The following MN1 variants were observed in gnomAD, a reference collection of about 807,000 sequenced individuals.
MN1 encodes the protein transcriptional activator MN1.
A neutral mutation model predicts 86.9 loss-of-function variants in MN1; 19 were observed. The ratio of observed to expected loss-of-function variants is 0.22; its 90% confidence interval spans 0.15 to 0.32. MN1 has a LOEUF of 0.32. MN1 is among the 10% of genes least tolerant of loss of function. MN1 has a pLI of 1.00. For missense variants in MN1, 1,841 were observed against 1,862.0 expected (o/e 0.99, Z 0.21); for synonymous variants, 928 against 849.6 (o/e 1.09, Z -1.60).
intron 1 of MN1, among the ~76,000 whole-genome samples, chr22:27,756,493 C>A (rs1932803036): frequency 6.6e-6 from 1 of 152,138 alleles, no homozygotes; most frequent in Non-Finnish European, 1.5e-5. Context: ...CCAGCCACCT[C>A]CTGCCCCGCT....
intron 1 of MN1, among the ~76,000 whole-genome samples, chr22:27,791,309 C>A (rs1400679866): frequency 6.6e-6 from 1 of 152,114 alleles, no homozygotes; most frequent in Non-Finnish European, 1.5e-5. Context: ...TGTCCCTCTT[C>A]TCAATCACGC....
intron 1 of MN1, among the ~76,000 whole-genome samples, chr22:27,752,169 G>C (rs1419918341): frequency 1.3e-5 from 2 of 152,108 alleles, no homozygotes; most frequent in African/African-American, 4.8e-5. Context: ...TCCGCAAAGG[G>C]ACCCGAGGCC....
chr22:27,798,992 C>T lies in MN1; in HGVS notation c.1552G>A (p.Asp518Asn). The change falls in exon 1 of 2, where the codon GAC (aspartate) becomes AAC (asparagine). Residue 518 changes from aspartate to asparagine, a missense_variant. By Grantham distance (23) the Asp-to-Asn change is conservative. Transcript: ENST00000302326. The part of the protein sequence containing the change: ...SGPPLQHPAP[D>N]HQSLQQQQQQ... ...TGCTGCTGTTGCAGGGACTGGTGGT[C>T]CGGGGCCGGATGCTGCAGGGGCGGC... is the stretch of plus-strand genomic sequence containing the variant. 6.2e-7 allele frequency: 1 copy of T among 1,605,180 alleles called. No homozygotes were observed. The highest frequency in any genetic ancestry group is 1.3e-5 in the African/African-American group (1 of 74,740).
At chr22:27,795,757 C>T (rs188808015) in intron 1 of MN1, among the ~76,000 whole-genome samples, 1 of 152,196 alleles carries the variant, frequency 6.6e-6, no homozygotes, top group Admixed American at 6.5e-5. Context: ...TATATACAGA[C>T]ATTTTAAACC....
At chr22:27,778,574 T>C (rs1404812446) in intron 1 of MN1, among the ~76,000 whole-genome samples, 3 of 152,220 alleles carry the variant, frequency 2.0e-5, no homozygotes, top group Non-Finnish European at 4.4e-5. Context: ...GGCGGAGTGC[T>C]TTTCATTATC....
chr22:27,758,502 C>A (rs1010963221), intron 1 of MN1, among the ~76,000 whole-genome samples: 25 of 152,220 alleles, frequency 1.6e-4, no homozygotes, highest in Non-Finnish European at 4.4e-5. Flanking sequence ...GATGTGCTCA[C>A]ACATCTTGCT....
chr22:27,794,858 T>G, intron 1 of MN1, among the ~76,000 whole-genome samples: 1 of 148,356 alleles, frequency 6.7e-6, no homozygotes, highest in South Asian at 2.2e-4. Context: ...TTTTGGCCAA[T>G]ATGTTCTTAA....
Position 27,757,440 on chromosome 22 carries a change from C to A in MN1, c.3782-6344G>T, listed in dbSNP as rs1443079699. Reference sequence around the variant, plus strand: ...CATCCCTGTGGGTGCTAGAAGCTGCCGAGGCTGGGGGTCAGGGTGCAATCC... The same window carrying A: ...CATCCCTGTGGGTGCTAGAAGCTGCAGAGGCTGGGGGTCAGGGTGCAATCC... On this transcript the variant is annotated intron_variant, in intron 1 of 1. Coordinates refer to ENST00000302326, the MANE Select transcript of MN1 (RefSeq NM_002430.3). Among the ~76,000 whole-genome samples the A allele has an allele frequency of 2.0e-5, 3 of 152,146 alleles. 1 individual carries two copies. The highest frequency in any genetic ancestry group is 7.2e-5 in the African/African-American group (3 of 41,492).
At chr22:27,795,367 C>T (rs1933276738) in intron 1 of MN1, among the ~76,000 whole-genome samples, 2 of 152,130 alleles carry the variant, frequency 1.3e-5, no homozygotes, top group Admixed American at 1.3e-4. Flanking sequence ...CTCGCTTCCT[C>T]TCCTCTTGCC....
intron 1 of MN1, among the ~76,000 whole-genome samples, chr22:27,781,975 A>G (rs539684666): frequency 3.3e-5 from 5 of 152,110 alleles, no homozygotes; most frequent in African/African-American, 1.2e-4. Flanking sequence ...TGGCTCCCAG[A>G]CTGTTTATGG....
chr22:27,758,884 G>A (rs1568971140), intron 1 of MN1, among the ~76,000 whole-genome samples: 1 of 152,118 alleles, frequency 6.6e-6, no homozygotes, highest in Non-Finnish European at 1.5e-5. Flanking sequence ...GGAGTGCAGT[G>A]GCATGATCAC....
intron 1 of MN1, among the ~76,000 whole-genome samples, chr22:27,792,040 A>C (rs1933217795): frequency 6.6e-6 from 1 of 152,198 alleles, no homozygotes; most frequent in Non-Finnish European, 1.5e-5. Flanking sequence ...ACTTCTTGGC[A>C]AGAGTAGCCG....
At position 27,797,878 on chromosome 22, in the gene MN1, C is replaced by T; in HGVS notation, c.2666G>A (p.Gly889Glu). The change falls in exon 1 of 2, where the codon GGA becomes GAA. Residue 889 changes from glycine (G) to glutamate (E), a missense_variant. Gly to Glu is a moderately conservative substitution (Grantham distance 98). Transcript: ENST00000302326. The stretch of plus-strand genomic sequence containing the variant: ...ACTGGTCCCGGACGGGCCTCCGGGT[C>T]CTGGGGCCCCAGGAGCAGTCCCTCC... Reference protein sequence around the residue: ...FPGGTAPGAPGPGGPSGTSSS... With the variant: ...FPGGTAPGAPEPGGPSGTSSS... 6.3e-7 allele frequency: 1 copy of T among 1,592,530 alleles called. No individual in the cohort carries two copies. Among genetic ancestry groups the T allele is most frequent in the Non-Finnish European group, 8.5e-7 (1 of 1,170,286 alleles).
chr22:27,752,898 G>A (rs1340363241), intron 1 of MN1, among the ~76,000 whole-genome samples: 1 of 152,174 alleles, frequency 6.6e-6, no homozygotes, highest in Non-Finnish European at 1.5e-5. Flanking sequence ...TGCAAGCCCA[G>A]CCAAGGGCCC....
chr22:27,766,019 C>A (rs1328000051), intron 1 of MN1, among the ~76,000 whole-genome samples: 1 of 152,152 alleles, frequency 6.6e-6, no homozygotes, highest in Admixed American at 6.5e-5. Flanking sequence ...AAGAAGCGCA[C>A]CTGCCGCAAA....
At chr22:27,777,411 T>C (rs910637214) in intron 1 of MN1, among the ~76,000 whole-genome samples, 3 of 151,664 alleles carry the variant, frequency 2.0e-5, no homozygotes, top group African/African-American at 7.3e-5. Flanking sequence ...CACACACCTG[T>C]AGTCCTAGAT....
intron 1 of MN1, among the ~76,000 whole-genome samples, chr22:27,787,454 C>T (rs1933149709): frequency 6.6e-6 from 1 of 152,240 alleles, no homozygotes; most frequent in Non-Finnish European, 1.5e-5. Context: ...TTCTCCAGCT[C>T]CTTTCCACAC....
At chr22:27,784,208 C>T (rs1328010588) in intron 1 of MN1, among the ~76,000 whole-genome samples, 1 of 152,222 alleles carries the variant, frequency 6.6e-6, no homozygotes, top group African/African-American at 2.4e-5. Context: ...TAGGGGATCA[C>T]AGGCACTCCC....
At position 27,761,048 on chromosome 22, in the gene MN1, C is replaced by T. The variant is rs547444435; in HGVS notation, c.3782-9952G>A. ...CCAGCCATCCGCAGAGCCAAGGTCA[C>T]ACCCAGAGACGTCTGATGTCACAGT... On this transcript the variant is annotated intron_variant, in intron 1 of 1. Coordinates refer to ENST00000302326, the MANE Select transcript of MN1 (RefSeq NM_002430.3). 3.3e-5 allele frequency among the ~76,000 whole-genome samples: 5 copies of T among 152,286 alleles called. No homozygotes were observed. In the South Asian group the frequency reaches 1.0e-3, roughly 32 times the overall value.
Sources: gnomAD v4.1 joint callset for allele counts (sites outside exome capture counted in the v4.1 genomes callset) on GRCh38, gnomAD v4.1.1 for gene constraint, MANE v1.5 for transcripts, NCBI Gene and HGNC (gene_info 2026-07-23, HGNC 2026-07-21) for gene names.